Variants in PRR16 observed in about 807,000 individuals in gnomAD.
PRR16 encodes the protein protein Largen.
Under a neutral mutation model 18.2 loss-of-function variants are expected in PRR16, and 6 were observed. That is an observed-to-expected ratio of 0.33 (90% CI 0.18 to 0.65). The LOEUF is 0.65. Among genes scored for constraint, PRR16 ranks in the 30% least tolerant of loss-of-function variants. The pLI, the probability that PRR16 is intolerant of heterozygous loss-of-function variation, is 0.74. For missense variants in PRR16, 412 were observed against 376.6 expected, an observed-to-expected ratio of 1.09 and a Z score of -0.78; for synonymous variants, 151 against 147.8, an observed-to-expected ratio of 1.02 and a Z score of -0.16.
At chr5:120,781,147 T>C in the PRR16 span, 1 of 152,306 alleles carries the variant, frequency 6.6e-6, no homozygotes, top group East Asian at 1.9e-4. Context: ...ACAATTTTTT[T>C]TTCAAACTGA....
chr5:120,556,233 G>GTTTTTTT lies in PRR16; in HGVS notation c.159+91601_159+91607dup, dbSNP rs34053155. ...CATTTCTACCAGGGTCAATTTCATT[G>GTTTTTTT]TTTTTTTTTTTTTTTTTTTGTACCA... On this transcript the variant is annotated intron_variant, in intron 1 of 1. Coordinates refer to ENST00000407149, the MANE Select transcript of PRR16 (RefSeq NM_001300783.2). Among the ~76,000 whole-genome samples the GTTTTTTT allele has an allele frequency of 1.6e-3, 194 of 121,728 alleles. 1 individual carries two copies. The highest frequency in any genetic ancestry group is 5.9e-3 in the African/African-American group (188 of 31,822). The allele number at this position is 121,728 out of a possible 152,430, so 79.9% of individuals were successfully genotyped here.
At chr5:120,510,809 G>A (rs1750802915) in intron 1 of PRR16, among the ~76,000 whole-genome samples, 3 of 152,122 alleles carry the variant, frequency 2.0e-5, no homozygotes, top group African/African-American at 7.2e-5. Flanking sequence ...AGTTTGTAAT[G>A]GAATGAAAGG....
At chr5:120,702,497 C>A in the PRR16 span, among the ~76,000 whole-genome samples, 1 of 152,066 alleles carries the variant, frequency 6.6e-6, no homozygotes, top group Non-Finnish European at 1.5e-5. Context: ...CTTGCCCCTT[C>A]CCCAGAAAAG....
At chr5:120,762,137 A>G in the PRR16 span, among the ~76,000 whole-genome samples, 4 of 152,152 alleles carry the variant, frequency 2.6e-5, no homozygotes, top group Non-Finnish European at 5.9e-5. Flanking sequence ...GGCTGATTGC[A>G]TGTATCTTTG....
At chr5:120,651,690 C>G (rs188701480) in intron 1 of PRR16, among the ~76,000 whole-genome samples, 19 of 152,178 alleles carry the variant, frequency 1.2e-4, no homozygotes, top group Admixed American at 1.2e-3. Context: ...TGGTCTATAT[C>G]TCTGTTTTGG....
At chr5:120,504,851 A>G (rs546001034) in intron 1 of PRR16, among the ~76,000 whole-genome samples, 12 of 152,182 alleles carry the variant, frequency 7.9e-5, no homozygotes, top group Non-Finnish European at 1.6e-4. Context: ...TGCCATTCCA[A>G]TAAATCCCCC....
intron 1 of PRR16, among the ~76,000 whole-genome samples, chr5:120,602,260 G>C (rs552748002): frequency 5.3e-4 from 81 of 151,900 alleles, no homozygotes; most frequent in Non-Finnish European, 9.4e-4. Flanking sequence ...TGCAATTCTT[G>C]TAGTACAGAT....
At chr5:120,614,440 T>C (rs1236386490) in intron 1 of PRR16, among the ~76,000 whole-genome samples, 1 of 152,262 alleles carries the variant, frequency 6.6e-6, no homozygotes, top group Non-Finnish European at 1.5e-5. Context: ...CATTTTCTGT[T>C]ATTTTCCAAT....
the PRR16 span, among the ~76,000 whole-genome samples, chr5:120,754,494 G>GTATATATTATATAATATATAGTATA: frequency 3.2e-5 from 2 of 63,052 alleles, no homozygotes; most frequent in Non-Finnish European, 5.3e-5. Flanking sequence ...TATATAGTAT[G>GTATATATTATATAATATATAGTATA]TATTTTATTA....
intron 1 of PRR16, among the ~76,000 whole-genome samples, chr5:120,542,805 T>C (rs1468534465): frequency 2.0e-5 from 3 of 152,186 alleles, no homozygotes; most frequent in Non-Finnish European, 2.9e-5. Context: ...AGTTTTTGCT[T>C]ATTCACATTT....
intron 1 of PRR16, among the ~76,000 whole-genome samples, chr5:120,648,370 C>A (rs1467221557): frequency 2.0e-5 from 3 of 151,822 alleles, no homozygotes; most frequent in Admixed American, 2.0e-4. Context: ...GGATTCAAGC[C>A]TTTGAAAGAT....
chr5:120,544,506 G>A (rs1752014163), intron 1 of PRR16, among the ~76,000 whole-genome samples: 1 of 151,952 alleles, frequency 6.6e-6, no homozygotes, highest in African/African-American at 2.4e-5. Flanking sequence ...ACATGTATGT[G>A]TATGCATGTG....
chr5:120,686,802 A>G lies in PRR16; in HGVS notation c.*93A>G. ...TTTCTACTCAAGCAATAAAAAGCCCAAATATATTAATCCTGCATTCAGCAA... is the reference window on the plus strand; with the variant it reads ...TTTCTACTCAAGCAATAAAAAGCCCGAATATATTAATCCTGCATTCAGCAA... On this transcript the variant is annotated 3_prime_UTR_variant, in exon 2 of 2. Transcript: ENST00000407149. 1 of 1,075,652 alleles carries G rather than the reference A, an allele frequency of 9.3e-7. No individual in the cohort carries two copies. Among genetic ancestry groups the G allele is most frequent in the South Asian group, 2.6e-5 (1 of 38,570 alleles). 66.6% of individuals were successfully genotyped at this position (1,075,652 alleles called of 1,614,324 possible).
chr5:120,511,117 A>G (rs1350446439), intron 1 of PRR16, among the ~76,000 whole-genome samples: 1 of 152,178 alleles, frequency 6.6e-6, no homozygotes. Flanking sequence ...GTAACGAGAA[A>G]TAGCACTGCC....
chr5:120,511,664 T>C (rs1425806233), intron 1 of PRR16, among the ~76,000 whole-genome samples: 1 of 152,236 alleles, frequency 6.6e-6, no homozygotes, highest in Non-Finnish European at 1.5e-5. Context: ...TCAATTAATG[T>C]ATTTATTTTG....
chr5:120,733,645 CATT>C, the PRR16 span, among the ~76,000 whole-genome samples: 13 of 152,114 alleles, frequency 8.5e-5, no homozygotes, highest in Admixed American at 3.3e-4. Context: ...CTCTCAGTAA[CATT>C]GTTGTTATGC....
the PRR16 span, among the ~76,000 whole-genome samples, chr5:120,722,183 C>A: frequency 6.6e-6 from 1 of 151,958 alleles, no homozygotes; most frequent in Non-Finnish European, 1.5e-5. Context: ...CATCCATGTC[C>A]CTGCAAAGGA....
intron 1 of PRR16, among the ~76,000 whole-genome samples, chr5:120,490,872 G>A (rs1226968621): frequency 2.0e-5 from 3 of 152,168 alleles, no homozygotes; most frequent in Non-Finnish European, 2.9e-5. Flanking sequence ...CCTTCTAACA[G>A]TCAGGACCCT....
the PRR16 span, among the ~76,000 whole-genome samples, chr5:120,790,993 T>C: frequency 6.6e-6 from 1 of 152,184 alleles, no homozygotes; most frequent in Non-Finnish European, 1.5e-5. Flanking sequence ...TCATTTGATA[T>C]CATTAAAAAC....
Sources: allele counts gnomAD v4.1 joint callset (sites outside exome capture counted in the v4.1 genomes callset), GRCh38; gene constraint gnomAD v4.1.1; transcripts MANE v1.5; gene names NCBI Gene and HGNC (gene_info 2026-07-23, HGNC 2026-07-21).